The following STPG2 variants were observed in gnomAD, a reference collection of about 807,000 sequenced individuals.
The protein encoded by STPG2 is sperm tail PG-rich repeat containing 2.
In STPG2, 56 loss-of-function variants were observed where a neutral mutation model predicts 54.2. That is an observed-to-expected ratio of 1.03 (90% CI 0.83 to 1.29). The LOEUF (loss-of-function observed/expected upper bound fraction) is 1.29, where lower values mean the gene tolerates loss of function less well. Ranked by LOEUF, STPG2 falls within the 50% of genes most tolerant of loss-of-function variation. STPG2 has a pLI of 0.00. For missense variants in STPG2, 596 were observed against 544.9 expected, an observed-to-expected ratio of 1.09 and a Z score of -0.93; for synonymous variants, 200 against 181.8, an observed-to-expected ratio of 1.10 and a Z score of -0.81.
At chr4:97,530,497 AAT>A (rs1578365740) in intron 4 of STPG2, among the ~76,000 whole-genome samples, 1 of 151,156 alleles carries the variant, frequency 6.6e-6, no homozygotes, top group East Asian at 1.9e-4. Flanking sequence ...TGAAAACCAA[AAT>A]GTGTGTGTGT....
intron 10 of STPG2, among the ~76,000 whole-genome samples, chr4:97,616,883 T>A (rs1184330853): frequency 6.6e-6 from 1 of 152,024 alleles, no homozygotes. Flanking sequence ...GAGGTAAAAA[T>A]GATTTTGTTT....
At chr4:98,008,099 G>C (rs972037888) in intron 5 of STPG2, among the ~76,000 whole-genome samples, 2 of 152,006 alleles carry the variant, frequency 1.3e-5, no homozygotes, top group African/African-American at 4.8e-5. Context: ...GAGGCCCAAA[G>C]AACACCAGTA....
chr4:97,512,694 G>A (rs898859807), intron 4 of STPG2, among the ~76,000 whole-genome samples: 2 of 151,992 alleles, frequency 1.3e-5, no homozygotes, highest in African/African-American at 2.4e-5. Context: ...GTATCTTCAT[G>A]GTTTAAAAAT....
chr4:97,540,316 A>G (rs1731662503), intron 4 of STPG2, among the ~76,000 whole-genome samples: 1 of 152,210 alleles, frequency 6.6e-6, no homozygotes, highest in South Asian at 2.1e-4. Flanking sequence ...CCACAGACAT[A>G]CAAACTACCA....
At chr4:97,564,388 A>G (rs1320122593) in intron 10 of STPG2, among the ~76,000 whole-genome samples, 1 of 152,026 alleles carries the variant, frequency 6.6e-6, no homozygotes, top group East Asian at 1.9e-4. Context: ...TCTTTATCCA[A>G]TTTGCCAGTC....
rs1560650996 is a variant in STPG2 at position 97,540,284 on chromosome 4, A to T, written c.462+172415T>A. 2.0e-5 allele frequency among the ~76,000 whole-genome samples: 3 copies of T among 152,226 alleles called. No individual in the cohort carries two copies. The South Asian group carries it at 6.2e-4, about 31-fold the overall frequency. On this transcript the variant is annotated intron_variant, in intron 4 of 4. Transcript: ENST00000522676. ...TCAAATAGATGCAATAAATAATGAT[A>T]AAGGGGATATCACCACCGATCCCAC...
chr4:97,540,962 G>T (rs548195756), intron 4 of STPG2, among the ~76,000 whole-genome samples: 14 of 151,952 alleles, frequency 9.2e-5, no homozygotes, highest in South Asian at 4.2e-4. Flanking sequence ...TATGGATGGG[G>T]CTTATTTCAA....
chr4:97,589,248 A>C (rs964093512), intron 10 of STPG2, among the ~76,000 whole-genome samples: 7 of 151,980 alleles, frequency 4.6e-5, no homozygotes, highest in African/African-American at 1.4e-4. Context: ...CAAAAAAAAA[A>C]CCAATTACCC....
chr4:97,886,816 T>G (rs1030089003), intron 8 of STPG2, among the ~76,000 whole-genome samples: 1 of 152,198 alleles, frequency 6.6e-6, no homozygotes, highest in Non-Finnish European at 1.5e-5. Context: ...GGAAGGTGAT[T>G]GAATCATGTC....
intron 4 of STPG2, among the ~76,000 whole-genome samples, chr4:97,504,083 AT>A (rs979341173): frequency 1.4e-4 from 20 of 142,008 alleles, no homozygotes; most frequent in Non-Finnish European, 2.3e-4. Flanking sequence ...TTAAATATTT[AT>A]TTTATTTAAT....
At chr4:97,738,953 AT>A (rs1725121859) in intron 9 of STPG2, among the ~76,000 whole-genome samples, 1 of 152,212 alleles carries the variant, frequency 6.6e-6, no homozygotes, top group Admixed American at 6.5e-5. Flanking sequence ...AATTGACCAA[AT>A]AGTTGGAAGT....
chr4:97,593,753 C>T (rs909330452), intron 10 of STPG2, among the ~76,000 whole-genome samples: 1 of 152,202 alleles, frequency 6.6e-6, no homozygotes, highest in East Asian at 1.9e-4. Flanking sequence ...GAGCACTACA[C>T]ATCAGAGTGC....
intron 9 of STPG2, among the ~76,000 whole-genome samples, chr4:97,819,238 C>T (rs892809626): frequency 1.3e-5 from 2 of 151,798 alleles, no homozygotes; most frequent in African/African-American, 4.8e-5. Flanking sequence ...GTTAACAGCA[C>T]TCAGCAAGAG....
At chr4:97,692,732 G>A (rs994948570) in intron 10 of STPG2, among the ~76,000 whole-genome samples, 3 of 152,126 alleles carry the variant, frequency 2.0e-5, no homozygotes, top group Non-Finnish European at 4.4e-5. Context: ...TCATTGCCTA[G>A]GCACATAGTT....
chr4:97,805,301 C>G (rs545511038), intron 9 of STPG2, among the ~76,000 whole-genome samples: 4 of 152,218 alleles, frequency 2.6e-5, no homozygotes, highest in South Asian at 4.2e-4. Context: ...CCCTGCCTTC[C>G]AGGTTGAAGC....
chr4:97,747,722 A>G (rs1482650320), intron 9 of STPG2, among the ~76,000 whole-genome samples: 1 of 151,388 alleles, frequency 6.6e-6, no homozygotes, highest in Non-Finnish European at 1.5e-5. Context: ...TTCAAGACAA[A>G]GCGTGCATTT....
chr4:97,474,718 T>G (rs1033303576), intron 4 of STPG2, among the ~76,000 whole-genome samples: 13 of 152,136 alleles, frequency 8.5e-5, no homozygotes, highest in Admixed American at 7.2e-4. Flanking sequence ...TAAAGAAGAA[T>G]GCTCACTGAA....
intron 6 of STPG2, among the ~76,000 whole-genome samples, chr4:97,974,845 C>T (rs927546809): frequency 6.6e-6 from 1 of 152,122 alleles, no homozygotes; most frequent in Non-Finnish European, 1.5e-5. Flanking sequence ...AATACACTTG[C>T]CATATGACCA....
chr4:98,046,302 G>T (rs2149310713), intron 5 of STPG2, among the ~76,000 whole-genome samples: 1 of 152,122 alleles, frequency 6.6e-6, no homozygotes, highest in African/African-American at 2.4e-5. Context: ...TGGATTCTTT[G>T]TTAGATAAAT....
Sources: gnomAD v4.1 joint callset for allele counts (sites outside exome capture counted in the v4.1 genomes callset) on GRCh38, gnomAD v4.1.1 for gene constraint, MANE v1.5 for transcripts, NCBI Gene and HGNC (gene_info 2026-07-23, HGNC 2026-07-21) for gene names.